Variants in PCDHGA8 observed in about 807,000 individuals in gnomAD.
The protein encoded by PCDHGA8 is protocadherin gamma subfamily A, 8.
In PCDHGA8, 45 loss-of-function variants were observed where a neutral mutation model predicts 59.2. The ratio of observed to expected loss-of-function variants is 0.76; its 90% CI spans 0.60 to 0.98. PCDHGA8 has a LOEUF of 0.98. Among genes scored for constraint, PCDHGA8 ranks in the 50% least tolerant of loss-of-function variants. The pLI is 0.00. For synonymous variants in PCDHGA8, 531 were observed against 519.0 expected, an observed-to-expected ratio of 1.02 and a Z score of -0.32; for missense variants, 1,257 against 1,196.2, an observed-to-expected ratio of 1.05 and a Z score of -0.75.
chr5:141,475,098 C>G (rs1252108172), intron 1 of PCDHGA8, among the ~76,000 whole-genome samples: 1 of 152,108 alleles, frequency 6.6e-6, no homozygotes, highest in East Asian at 1.9e-4. Flanking sequence ...TTATAAAGAT[C>G]CTAGGTGGTA....
rs1011504923 is a variant in PCDHGA8, at chr5:141,408,109, C to A, written c.2424+12872C>A. ...GGATTGCCAGCTCCGAGACCCGGGA[C>A]TCCTCCTGTCCTGGGCCGAATGCTC... is the stretch of plus-strand genomic sequence containing the variant. On this transcript the variant is annotated intron_variant, in intron 1 of 3. Transcript: ENST00000398604. 6 of 1,445,662 alleles carry A rather than the reference C, an allele frequency of 4.2e-6. No homozygotes were observed. In the African/African-American group the frequency reaches 5.7e-5, roughly 14 times the overall value. 89.6% of individuals were successfully genotyped at this position (1,445,662 alleles called of 1,614,324 possible). A position where few individuals can be genotyped will look rare whatever the true frequency, so the allele number is the denominator to read the frequency against.
intron 1 of PCDHGA8, among the ~76,000 whole-genome samples, chr5:141,425,025 T>C (rs1416166875): frequency 1.3e-5 from 2 of 152,236 alleles, no homozygotes; most frequent in Non-Finnish European, 2.9e-5. Flanking sequence ...ATTTACCTTA[T>C]GTCATTAGTT....
rs567174433 is a variant in PCDHGA8, at chr5:141,443,351, G to A, written c.2424+48114G>A. On this transcript the variant is annotated intron_variant, in intron 1 of 3. Coordinates refer to ENST00000398604, the MANE Select transcript of PCDHGA8 (RefSeq NM_032088.2). ...AAAACAAAAATTAACAAGGTTTAGT[G>A]GTCCATGCCTGTGGTCTCAGCTACT... 6.6e-5 allele frequency among the ~76,000 whole-genome samples: 10 copies of A among 152,072 alleles called. No homozygotes were observed. The South Asian group carries it at 2.1e-3, about 32-fold the overall frequency.
At chr5:141,428,117 G>T in intron 1 of PCDHGA8, 2 of 1,607,102 alleles carry the variant, frequency 1.2e-6, no homozygotes, top group East Asian at 2.2e-5. Context: ...AGGCCATCGA[G>T]CCCGGGCTTT....
In PCDHGA8 at chr5:141,431,889, A is replaced by G; in HGVS notation, c.2424+36652A>G. 1 of 1,614,170 alleles carries G rather than the reference A, an allele frequency of 6.2e-7. No homozygotes were observed. The highest frequency in any genetic ancestry group is 2.2e-5 in the East Asian group (1 of 44,888). On this transcript the variant is annotated intron_variant, in intron 1 of 3. Transcript: ENST00000398604. The surrounding 1 kb of genome is among the most constrained non-coding windows in gnomAD (Gnocchi z 4.8). The stretch of plus-strand genomic sequence containing the variant: ...TTAAATGTAAATGACCAAGATTCTG[A>G]GGAAAACGGACAGGTGATCTGTTTC...
At chr5:141,479,573 C>A (rs1468041584) in intron 1 of PCDHGA8, 1 of 152,230 alleles carries the variant, frequency 6.6e-6, no homozygotes, top group Admixed American at 6.5e-5. Flanking sequence ...GGGATGACAT[C>A]TGTGAATAGC....
intron 3 of PCDHGA8, among the ~76,000 whole-genome samples, chr5:141,509,345 G>A (rs1203328830): frequency 6.6e-6 from 1 of 152,196 alleles, no homozygotes; most frequent in Non-Finnish European, 1.5e-5. Flanking sequence ...GGCCTGGGCT[G>A]GCCTGGGCAT....
intron 1 of PCDHGA8, among the ~76,000 whole-genome samples, chr5:141,471,887 G>T (rs1215891997): frequency 6.6e-6 from 1 of 152,152 alleles, no homozygotes; most frequent in African/African-American, 2.4e-5. Context: ...CTGAAGCTAG[G>T]AAGATTGACT....
chr5:141,422,317 G>A (rs1266672163), intron 1 of PCDHGA8: 2 of 1,548,092 alleles, frequency 1.3e-6, no homozygotes, highest in Non-Finnish European at 1.7e-6. Context: ...CTCTCCTCCA[G>A]GTACAGTGAT....
At position 141,489,599 on chromosome 5, in the gene PCDHGA8, A is replaced by T; in HGVS notation, c.2425-5208A>T. The T allele has an allele frequency of 6.2e-7, 1 of 1,614,020 alleles. No homozygotes were observed. The highest frequency in any genetic ancestry group is 8.5e-7 in the Non-Finnish European group (1 of 1,179,970). On this transcript the variant is annotated intron_variant, in intron 1 of 3. Coordinates refer to ENST00000398604, the MANE Select transcript of PCDHGA8 (RefSeq NM_032088.2). This position sits in a 1 kb window ranked among gnomAD's most constrained non-coding sequence, Gnocchi z 4.5. ...CACCCCCTGGAGCTAATCCGTGTAGAGGTAGAGATCCTGGATCTCAATGAC... is the reference window on the plus strand; with the variant it reads ...CACCCCCTGGAGCTAATCCGTGTAGTGGTAGAGATCCTGGATCTCAATGAC...
Position 141,408,446 on chromosome 5 carries a change from G to A in PCDHGA8, c.2424+13209G>A, listed in dbSNP as rs371079756. 1.7e-5 allele frequency: 28 copies of A among 1,613,946 alleles called. No individual in the cohort carries two copies. Among genetic ancestry groups the A allele is most frequent in the Non-Finnish European group, 1.1e-5 (13 of 1,179,916 alleles). On this transcript the variant is annotated intron_variant, in intron 1 of 3. Transcript: ENST00000398604. ...GCACTTCAGCGTAGACGCGGAGAGC[G>A]GGGACTTACTTGTGAAGAACCGAAT...
intron 1 of PCDHGA8, among the ~76,000 whole-genome samples, chr5:141,474,747 A>AGACAAATAT (rs1447050692): frequency 6.6e-6 from 1 of 152,264 alleles, no homozygotes; most frequent in African/African-American, 2.4e-5. Context: ...GTGATGTCCA[A>AGACAAATAT]GACAAATATA....
At chr5:141,406,346 G>T (rs1296474677) in intron 1 of PCDHGA8, among the ~76,000 whole-genome samples, 2 of 152,092 alleles carry the variant, frequency 1.3e-5, no homozygotes, top group Non-Finnish European at 2.9e-5. Flanking sequence ...ATTTATTCAG[G>T]TCATACTATG....
intron 1 of PCDHGA8, among the ~76,000 whole-genome samples, chr5:141,442,717 C>T (rs918238654): frequency 1.3e-5 from 2 of 152,166 alleles, no homozygotes; most frequent in African/African-American, 2.4e-5. Flanking sequence ...CATGCCAGAG[C>T]ATTTGGGGCC....
At chr5:141,423,003 G>A (rs779233337) in intron 1 of PCDHGA8, 1 of 1,614,208 alleles carries the variant, frequency 6.2e-7, no homozygotes, top group African/African-American at 1.3e-5. Flanking sequence ...TGACCAAGGT[G>A]GTTGCGGTGG....
In PCDHGA8 at chr5:141,483,413, G is replaced by A. The variant is rs112015754; in HGVS notation, c.2425-11394G>A. 5.9e-4 allele frequency among the ~76,000 whole-genome samples: 90 copies of A among 152,300 alleles called. 1 individual carries two copies. Among genetic ancestry groups the A allele is most frequent in the African/African-American group, 1.7e-3 (69 of 41,584 alleles). ...AAATGCTTGAACCAGCACAGTGGCA[G>A]TACAGATGGAGGGAGCTGACTACAA... On this transcript the variant is annotated intron_variant, in intron 1 of 3. Transcript: ENST00000398604.
chr5:141,409,476 C>T (rs1195323775), intron 1 of PCDHGA8: 1 of 1,613,982 alleles, frequency 6.2e-7, no homozygotes, highest in South Asian at 1.1e-5. Context: ...ATCGTAGCCA[C>T]TGACAGGGGC....
At chr5:141,408,990 A>T (rs1554103244) in intron 1 of PCDHGA8, 1 of 1,613,984 alleles carries the variant, frequency 6.2e-7, no homozygotes, top group South Asian at 1.1e-5. Flanking sequence ...CCTGTGTTGC[A>T]AGTGACAGCC....
intron 1 of PCDHGA8, among the ~76,000 whole-genome samples, chr5:141,459,532 TA>T (rs1031834752): frequency 6.6e-5 from 10 of 152,354 alleles, no homozygotes; most frequent in East Asian, 3.9e-4. Context: ...TTTGTAGGCA[TA>T]TTTTTTTTAT....
Sources: allele counts gnomAD v4.1 joint callset (sites outside exome capture counted in the v4.1 genomes callset), GRCh38; gene constraint gnomAD v4.1.1; non-coding constraint Gnocchi (gnomAD v3.1); transcripts MANE v1.5; gene names NCBI Gene and HGNC (gene_info 2026-07-23, HGNC 2026-07-21).